BAHCC1: variants seen among roughly 807,000 people sequenced by gnomAD.
BAHCC1 encodes the protein BAH domain and coiled-coil containing 1, also known as BAH and coiled-coil domain-containing protein 1.
A neutral mutation model predicts 88.2 loss-of-function variants in BAHCC1; 43 were observed. That is an observed-to-expected ratio of 0.49 (90% CI 0.38 to 0.63). The LOEUF (loss-of-function observed/expected upper bound fraction) is 0.63. Ranked by LOEUF, BAHCC1 falls within the 20% of genes least tolerant of loss-of-function variation. The pLI, the probability that BAHCC1 is intolerant of heterozygous loss-of-function variation, is 0.00. For missense variants in BAHCC1, 3,023 were observed against 1,654.8 expected (o/e 1.83, Z -14.34); for synonymous variants, 1,510 against 745.5 (o/e 2.03, Z -16.71).
At chr17:81,448,947 C>G (rs9903387) in intron 11 of BAHCC1, among the ~76,000 whole-genome samples, 54,931 of 152,078 alleles carry the variant, frequency 0.36, 10,252 homozygotes, top group Non-Finnish European at 0.39. Flanking sequence ...GTGGAGGCAC[C>G]TTGGGGCAGG....
intron 2 of BAHCC1, among the ~76,000 whole-genome samples, chr17:81,407,584 G>A (rs991648138): frequency 1.3e-5 from 2 of 152,250 alleles, no homozygotes; most frequent in South Asian, 4.1e-4. Context: ...GCCATGGTGG[G>A]TGGGAGAAGG....
intron 2 of BAHCC1, among the ~76,000 whole-genome samples, chr17:81,414,398 C>T (rs9889305): frequency 2.5e-3 from 375 of 152,320 alleles, no homozygotes; most frequent in Middle Eastern, 0.02. Flanking sequence ...CCCACAGAGG[C>T]GGAGCTCGGG....
rs2030230180 is a variant in BAHCC1 at position 81,461,220 on chromosome 17, C to T, written c.6557C>T (p.Ala2186Val). ...LPRGAHKLLR[A>V]KKAERVEAEK... ...AGGGGAGCCCACAAGCTGCTGCGGG[C>T]TAAGAAGGCCGAGAGGGTGGAGGCC... Residue 2186 changes from alanine (A) to valine (V), a missense_variant, in exon 26 of 28, where the codon GCT becomes GTT. Coordinates refer to ENST00000675386, the MANE Select transcript of BAHCC1 (RefSeq NM_001377448.1). 1.4e-6 allele frequency: 1 copy of T among 720,522 alleles called. No individual in the cohort carries two copies. The highest frequency in any genetic ancestry group is 2.5e-6 in the Non-Finnish European group (1 of 392,296). The allele number at this position is 720,522 out of a possible 1,614,324, so 44.6% of individuals were successfully genotyped here. A position where few individuals can be genotyped will look rare whatever the true frequency, so the allele number is the denominator to read the frequency against.
chr17:81,456,396 C>G lies in BAHCC1; in HGVS notation c.4669C>G (p.Leu1557Val). ...GAAACCCAAGGTCAAGAGCAAAGGG[C>G]TGCCCACAGGCCTCAGCTCTTTCCA... ...QLKPKVKSKG[L>V]PTGLSSFQQK... The change falls in exon 16 of 28, where the codon CTG (leucine) becomes GTG (valine). Residue 1557 changes from leucine to valine, a missense_variant. Physicochemically the swap from Leu to Val is conservative, Grantham distance 32. Coordinates refer to ENST00000675386, the MANE Select transcript of BAHCC1 (RefSeq NM_001377448.1). 1 of 723,036 alleles carries G rather than the reference C, an allele frequency of 1.4e-6. No individual in the cohort carries two copies. Among genetic ancestry groups the G allele is most frequent in the Non-Finnish European group, 2.6e-6 (1 of 388,396 alleles). 44.8% of individuals were successfully genotyped at this position (723,036 alleles called of 1,614,324 possible).
At position 81,451,988 on chromosome 17, in the gene BAHCC1, C is replaced by T. The variant is rs782260629; in HGVS notation, c.4197C>T (p.Ala1399=). The T allele has an allele frequency of 2.4e-5, 15 of 627,824 alleles. No homozygotes were observed. Among genetic ancestry groups the T allele is most frequent in the East Asian group, 1.1e-4 (4 of 35,960 alleles). The allele number at this position is 627,824 out of a possible 1,614,324, so 38.9% of individuals were successfully genotyped here. The change falls in exon 13 of 28, where the codon GCC becomes GCT. Residue 1399 remains alanine (A), a synonymous_variant. Coordinates refer to ENST00000675386, the MANE Select transcript of BAHCC1 (RefSeq NM_001377448.1). ...PKTKPVCPLK[A]AIDRLDTQEV... ...CCCACCAGGTGTGCCCCCTGAAGGCCGCCATCGACCGGCTGGACACGCAGG... is the reference window on the plus strand; with the variant it reads ...CCCACCAGGTGTGCCCCCTGAAGGCTGCCATCGACCGGCTGGACACGCAGG...
In BAHCC1 at chr17:81,445,339, C is replaced by T. The variant is rs193167539; in HGVS notation, c.2836-15C>T. ...GGATCCTGAGCCTGACCGAGCTTGC[C>T]CCCATCCCTGACAGCGGAAGCCCGA... is the stretch of plus-strand genomic sequence containing the variant. On this transcript the variant is annotated splice_polypyrimidine_tract_variant and intron_variant, in intron 9 of 27. Transcript: ENST00000675386. 6.5e-6 allele frequency: 5 copies of T among 768,318 alleles called. No individual in the cohort carries two copies. Among genetic ancestry groups the T allele is most frequent in the Admixed American group, 1.7e-5 (1 of 57,692 alleles). The allele number at this position is 768,318 out of a possible 1,614,324, so 47.6% of individuals were successfully genotyped here. A position where few individuals can be genotyped will look rare whatever the true frequency, so the allele number is the denominator to read the frequency against.
In BAHCC1 at chr17:81,460,404, T is replaced by G. The variant is rs1236496406; in HGVS notation, c.6025+8T>G. On this transcript the variant is annotated splice_region_variant and intron_variant, in intron 24 of 27. Coordinates refer to ENST00000675386, the MANE Select transcript of BAHCC1 (RefSeq NM_001377448.1). ...CTGACTTCAAGATCCAGTGTGAGCC[T>G]GGGAGCTGCACGGGGCAGGGCCCTG... 2 of 757,052 alleles carry G rather than the reference T, an allele frequency of 2.6e-6. No homozygotes were observed. Among genetic ancestry groups the G allele is most frequent in the Admixed American group, 3.6e-5 (2 of 55,444 alleles). The allele number at this position is 757,052 out of a possible 1,614,324, so 46.9% of individuals were successfully genotyped here.
chr17:81,453,255 G>C (rs1447209629), intron 14 of BAHCC1, among the ~76,000 whole-genome samples: 2 of 152,214 alleles, frequency 1.3e-5, no homozygotes, highest in African/African-American at 4.8e-5. Flanking sequence ...ACGGCTGCCG[G>C]CGCGATGTTA....
At position 81,445,351 on chromosome 17, in the gene BAHCC1, C is replaced by T. The variant is rs567987367; in HGVS notation, c.2836-3C>T. 17 of 772,542 alleles carry T rather than the reference C, an allele frequency of 2.2e-5. No individual in the cohort carries two copies. Among genetic ancestry groups the T allele is most frequent in the South Asian group, 1.6e-4 (12 of 72,920 alleles). 47.9% of individuals were successfully genotyped at this position (772,542 alleles called of 1,614,324 possible). A position where few individuals can be genotyped will look rare whatever the true frequency, so the allele number is the denominator to read the frequency against. On this transcript the variant is annotated splice_region_variant and splice_polypyrimidine_tract_variant and intron_variant, in intron 9 of 27. Coordinates refer to ENST00000675386, the MANE Select transcript of BAHCC1 (RefSeq NM_001377448.1). ...TGACCGAGCTTGCCCCCATCCCTGA[C>T]AGCGGAAGCCCGAAGACCAGCACCT...
chr17:81,441,301 C>G (rs111827063), intron 4 of BAHCC1, among the ~76,000 whole-genome samples: 1 of 152,126 alleles, frequency 6.6e-6, no homozygotes, highest in Non-Finnish European at 1.5e-5. Flanking sequence ...TGCCCAGTGC[C>G]CCTGAACTGT....
intron 2 of BAHCC1, among the ~76,000 whole-genome samples, chr17:81,426,047 G>A (rs542075950): frequency 1.4e-5 from 2 of 147,618 alleles, no homozygotes; most frequent in Non-Finnish European, 3.0e-5. Flanking sequence ...GATGTGGCTC[G>A]TGGTGGTGGT....
At chr17:81,418,796 C>T (rs7220484) in intron 2 of BAHCC1, among the ~76,000 whole-genome samples, 46 of 144,914 alleles carry the variant, frequency 3.2e-4, no homozygotes, top group Admixed American at 1.6e-3. Flanking sequence ...TACGTGTGTG[C>T]GTGTGTGTGT....
chr17:81,448,344 G>C (rs1338742274), intron 11 of BAHCC1, among the ~76,000 whole-genome samples: 2 of 152,130 alleles, frequency 1.3e-5, no homozygotes, highest in Non-Finnish European at 2.9e-5. Context: ...ATGGGACTGG[G>C]AGCTCCTGGG....
At chr17:81,397,391 G>GA (rs1491223194) in intron 1 of BAHCC1, among the ~76,000 whole-genome samples, 8 of 125,658 alleles carry the variant, frequency 6.4e-5, no homozygotes, top group African/African-American at 2.3e-4. Context: ...TTTCTTATTG[G>GA]AGAGAAAAAA....
Position 81,461,909 on chromosome 17 carries a change from C to T in BAHCC1, c.7246C>T (p.Arg2416Cys), listed in dbSNP as rs782731828. ...PSSSSKSKLK[R>C]KEALSFSKAK... is the part of the protein sequence containing the mutation. ...CAGCAGCAGCAAATCCAAGCTCAAG[C>T]GCAAAGAGGCCCTGAGCTTCTCCAA... The change falls in exon 26 of 28, where the codon CGC (arginine) becomes TGC (cysteine). Residue 2416 changes from arginine to cysteine, a missense_variant. Physicochemically the swap from Arg to Cys is radical, Grantham distance 180. Transcript: ENST00000675386. 19 of 743,928 alleles carry T rather than the reference C, an allele frequency of 2.6e-5. No homozygotes were observed. Among genetic ancestry groups the T allele is most frequent in the South Asian group, 8.6e-5 (6 of 69,726 alleles). 46.1% of individuals were successfully genotyped at this position (743,928 alleles called of 1,614,324 possible).
chr17:81,402,008 C>G (rs2063822914), intron 2 of BAHCC1: 3 of 152,288 alleles, frequency 2.0e-5, no homozygotes, highest in South Asian at 4.1e-4. Context: ...GTGTAGGCCC[C>G]GGAGGGCTGT....
chr17:81,461,454 C>A lies in BAHCC1; in HGVS notation c.6791C>A (p.Pro2264Gln), dbSNP rs371513860. Residue 2264 changes from proline (P) to glutamine (Q), a missense_variant, in exon 26 of 28, where the codon CCG (proline) becomes CAG (glutamine). Physicochemically the swap from Pro to Gln is moderately conservative, Grantham distance 76. Coordinates refer to ENST00000675386, the MANE Select transcript of BAHCC1 (RefSeq NM_001377448.1). ...AAGAAGGGGCGGGCACCCATCCCCC[C>A]GCTGCCCATGGGGCTGGCGCTGCGC... ...KDKKGRAPIP[P>Q]LPMGLALRKY... 2 of 740,746 alleles carry A rather than the reference C, an allele frequency of 2.7e-6. No homozygotes were observed. The highest frequency in any genetic ancestry group is 5.0e-6 in the Non-Finnish European group (2 of 399,512). 45.9% of individuals were successfully genotyped at this position (740,746 alleles called of 1,614,324 possible).
rs781918399 is a variant in BAHCC1, at chr17:81,445,557, C to T, written c.3039C>T (p.Ser1013=). The change falls in exon 10 of 28, where the codon AGC becomes AGT. Residue 1013 remains serine, a synonymous_variant. Coordinates refer to ENST00000675386, the MANE Select transcript of BAHCC1 (RefSeq NM_001377448.1). ...CCCCCACCCCACCACCTCGGCCCAGCGCCCCGTGCACTTTAAATGTCTGCC... is the reference window on the plus strand; with the variant it reads ...CCCCCACCCCACCACCTCGGCCCAGTGCCCCGTGCACTTTAAATGTCTGCC... ...ASSPTPPPRP[S]APCTLNVCPA... is the part of the protein sequence containing the mutation. 28 of 723,208 alleles carry T rather than the reference C, an allele frequency of 3.9e-5. No individual in the cohort carries two copies. In the East Asian group the frequency reaches 5.8e-4, roughly 15 times the overall value. 44.8% of individuals were successfully genotyped at this position (723,208 alleles called of 1,614,324 possible).
intron 2 of BAHCC1, among the ~76,000 whole-genome samples, chr17:81,423,017 C>A (rs2064133224): frequency 6.6e-6 from 1 of 152,278 alleles, no homozygotes; most frequent in South Asian, 2.1e-4. Context: ...TGTGGTCTGG[C>A]CCCGGCCCAT....
Sources: allele counts gnomAD v4.1 joint callset (sites outside exome capture counted in the v4.1 genomes callset), GRCh38; gene constraint gnomAD v4.1.1; transcripts MANE v1.5; gene names NCBI Gene and HGNC (gene_info 2026-07-23, HGNC 2026-07-21).